Variants in PCDH9 observed in about 807,000 individuals in gnomAD.
The protein encoded by PCDH9 is protocadherin-9.
PCDH9 carries 24 observed loss-of-function variants against 70.6 expected under a neutral mutation model. The observed-to-expected ratio is 0.34, with a 90% confidence interval of 0.25 to 0.48. The LOEUF (loss-of-function observed/expected upper bound fraction) is 0.48. PCDH9 is among the 20% of genes least tolerant of loss of function. The pLI, the probability that PCDH9 is intolerant of heterozygous loss-of-function variation, is 0.99. For missense variants in PCDH9, 1,281 were observed against 1,503.6 expected, an observed-to-expected ratio of 0.85 and a Z score of 2.45; for synonymous variants, 562 against 558.5, an observed-to-expected ratio of 1.01 and a Z score of -0.09.
At chr13:66,974,431 T>C (rs1421968630) in intron 2 of PCDH9, among the ~76,000 whole-genome samples, 3 of 151,956 alleles carry the variant, frequency 2.0e-5, no homozygotes, top group Non-Finnish European at 4.4e-5. Context: ...CTTTCAACTA[T>C]AGTCTTGGAA....
At chr13:66,920,439 C>T (rs1204829127) in intron 2 of PCDH9, among the ~76,000 whole-genome samples, 1 of 151,070 alleles carries the variant, frequency 6.6e-6, no homozygotes, top group African/African-American at 2.4e-5. Flanking sequence ...TTGCATGTCC[C>T]TAAACAAGTC....
intron 4 of PCDH9, among the ~76,000 whole-genome samples, chr13:66,325,052 G>A (rs1001410503): frequency 1.3e-5 from 2 of 151,646 alleles, no homozygotes; most frequent in Non-Finnish European, 2.9e-5. Context: ...TATAACTCAT[G>A]AGAATATCAT....
intron 2 of PCDH9, chr13:67,217,738 GTCTTATAGA>G (rs1184099395): frequency 6.6e-6 from 1 of 152,006 alleles, no homozygotes; most frequent in Non-Finnish European, 1.5e-5. Context: ...ATGCTATATA[GTCTTATAGA>G]CACCTGGGGT....
At chr13:66,420,506 G>C (rs1957546774) in intron 4 of PCDH9, among the ~76,000 whole-genome samples, 1 of 152,198 alleles carries the variant, frequency 6.6e-6, no homozygotes, top group African/African-American at 2.4e-5. Flanking sequence ...AATCTTTGCT[G>C]TTCTGCAGCC....
chr13:66,670,912 TAAAAAAAAAAAAA>T (rs35287889), intron 3 of PCDH9, among the ~76,000 whole-genome samples: 25 of 120,232 alleles, frequency 2.1e-4, no homozygotes, highest in Non-Finnish European at 3.1e-4. Context: ...TGTTCTTATT[TAAAAAAAAAAAAA>T]AAAAAAAAAA....
intron 2 of PCDH9, among the ~76,000 whole-genome samples, chr13:66,986,041 A>G (rs2139785775): frequency 6.6e-6 from 1 of 152,168 alleles, no homozygotes; most frequent in South Asian, 2.1e-4. Context: ...AGACTGGGTA[A>G]TTAATTTTAA....
chr13:66,418,837 C>A, intron 4 of PCDH9, among the ~76,000 whole-genome samples: 1 of 46,090 alleles, frequency 2.2e-5, no homozygotes, highest in Admixed American at 2.9e-4. Flanking sequence ...ATAGATAGAC[C>A]GCTAGCCAGA....
intron 2 of PCDH9, among the ~76,000 whole-genome samples, chr13:66,944,170 C>CT (rs1421173627): frequency 2.6e-5 from 4 of 151,982 alleles, no homozygotes; most frequent in African/African-American, 9.7e-5. Context: ...AACCATAATG[C>CT]TTTTTAACAA....
Position 66,610,721 on chromosome 13 carries a change from A to C in PCDH9, c.3340+20489T>G, listed in dbSNP as rs1196479690. 2.6e-5 allele frequency among the ~76,000 whole-genome samples: 4 copies of C among 152,168 alleles called. No homozygotes were observed. The South Asian group carries it at 8.3e-4, about 32-fold the overall frequency. On this transcript the variant is annotated intron_variant, in intron 4 of 4. Coordinates refer to ENST00000377865, the MANE Select transcript of PCDH9 (RefSeq NM_203487.3). ...TAAGCAGCTTAAATCGGAACACAAC[A>C]TCCTCTTCTGAATGAAGCACCTTCT...
At position 66,475,013 on chromosome 13, in the gene PCDH9, T is replaced by C. The variant is rs576137428; in HGVS notation, c.3340+156197A>G. Reference sequence around the variant, plus strand: ...TCTTGGGACACTCTGTCACAATAGATAGGTTAAAAATATATAACCAATCCA... The same window carrying C: ...TCTTGGGACACTCTGTCACAATAGACAGGTTAAAAATATATAACCAATCCA... On this transcript the variant is annotated intron_variant, in intron 4 of 4. Coordinates refer to ENST00000377865, the MANE Select transcript of PCDH9 (RefSeq NM_203487.3). 2.0e-5 allele frequency among the ~76,000 whole-genome samples: 3 copies of C among 152,224 alleles called. No individual in the cohort carries two copies. In the South Asian group the frequency reaches 6.2e-4, roughly 32 times the overall value.
At chr13:66,400,296 A>G (rs1205832411) in intron 4 of PCDH9, among the ~76,000 whole-genome samples, 1 of 152,232 alleles carries the variant, frequency 6.6e-6, no homozygotes, top group Non-Finnish European at 1.5e-5. Flanking sequence ...AAAACTGCTG[A>G]TATGAATGAG....
chr13:66,680,914 A>G lies in PCDH9; in HGVS notation c.3139-49503T>C, dbSNP rs553853368. The stretch of plus-strand genomic sequence containing the variant: ...AAAAATAAATATTATACATATGTAC[A>G]TGGTAACTATGCATTAATACAAGGA... On this transcript the variant is annotated intron_variant, in intron 3 of 4. Transcript: ENST00000377865. Among the ~76,000 whole-genome samples the G allele has an allele frequency of 1.8e-4, 28 of 152,232 alleles. No homozygotes were observed. In the South Asian group the frequency reaches 5.4e-3, roughly 29 times the overall value.
chr13:66,425,940 G>A (rs1659547894), intron 4 of PCDH9, among the ~76,000 whole-genome samples: 1 of 151,548 alleles, frequency 6.6e-6, no homozygotes, highest in South Asian at 2.1e-4. Context: ...AATCTCATCA[G>A]CCAAAAGGGA....
At chr13:66,417,930 C>T (rs974246259) in intron 4 of PCDH9, among the ~76,000 whole-genome samples, 4 of 152,104 alleles carry the variant, frequency 2.6e-5, no homozygotes, top group Admixed American at 2.0e-4. Context: ...GATTGGATTG[C>T]AAAAATTTTC....
intron 2 of PCDH9, among the ~76,000 whole-genome samples, chr13:66,968,168 T>G (rs143247248): frequency 1.8e-4 from 28 of 152,204 alleles, no homozygotes; most frequent in African/African-American, 6.3e-4. Context: ...AAAAGCTTTT[T>G]AAATACTTGC....
At chr13:66,718,849 C>T (rs1168827101) in intron 3 of PCDH9, among the ~76,000 whole-genome samples, 1 of 152,168 alleles carries the variant, frequency 6.6e-6, no homozygotes, top group Non-Finnish European at 1.5e-5. Flanking sequence ...TTAATTTTCT[C>T]TTTGCAAATC....
intron 4 of PCDH9, among the ~76,000 whole-genome samples, chr13:66,362,588 G>T (rs900346560): frequency 1.3e-5 from 2 of 152,026 alleles, no homozygotes; most frequent in African/African-American, 4.8e-5. Flanking sequence ...GTGATAAAAT[G>T]ATTACTCTCT....
At chr13:66,344,141 T>C (rs540041943) in intron 4 of PCDH9, among the ~76,000 whole-genome samples, 1 of 152,146 alleles carries the variant, frequency 6.6e-6, no homozygotes, top group Non-Finnish European at 1.5e-5. Flanking sequence ...TGGGGTTTTT[T>C]TTGTTTTTGT....
At chr13:66,919,785 A>G (rs2082611410) in intron 2 of PCDH9, among the ~76,000 whole-genome samples, 1 of 151,146 alleles carries the variant, frequency 6.6e-6, no homozygotes, top group Non-Finnish European at 1.5e-5. Flanking sequence ...AAGGTGGACA[A>G]GAAACTCAAA....
Sources: gnomAD v4.1 joint callset for allele counts (sites outside exome capture counted in the v4.1 genomes callset) on GRCh38, gnomAD v4.1.1 for gene constraint, MANE v1.5 for transcripts, NCBI Gene and HGNC (gene_info 2026-07-23, HGNC 2026-07-21) for gene names.